Variants in PDE1C observed in about 807,000 individuals in gnomAD.
PDE1C encodes phosphodiesterase 1C.
In PDE1C, 62 loss-of-function variants were observed where a neutral mutation model predicts 93.1. That is an observed-to-expected ratio of 0.67 (90% confidence interval 0.54 to 0.82). The LOEUF (loss-of-function observed/expected upper bound fraction) is 0.82, where lower values mean the gene tolerates loss of function less well. Among genes scored for constraint, PDE1C ranks in the 40% least tolerant of loss-of-function variants. The probability of loss-of-function intolerance (pLI) is 0.00; values close to 1 mark genes in which losing one functional copy is unlikely to be tolerated. For synonymous variants in PDE1C, 325 were observed against 310.1 expected (o/e 1.05, Z -0.50); for missense variants, 742 against 884.6 (o/e 0.84, Z 2.04).
chr7:31,876,999 T>TC (rs1796678882), intron 5 of PDE1C, among the ~76,000 whole-genome samples: 1 of 152,068 alleles, frequency 6.6e-6, no homozygotes, highest in African/African-American at 2.4e-5. Flanking sequence ...CAAGAAGCAC[T>TC]CCCCACCCCC....
At chr7:31,840,712 T>C (rs1046274575) in intron 9 of PDE1C, among the ~76,000 whole-genome samples, 5 of 152,182 alleles carry the variant, frequency 3.3e-5, no homozygotes, top group Non-Finnish European at 7.3e-5. Flanking sequence ...TTGAATTAAT[T>C]TGGCATCATA....
At chr7:31,744,724 A>G in the PDE1C span, among the ~76,000 whole-genome samples, 1 of 152,298 alleles carries the variant, frequency 6.6e-6, no homozygotes, top group African/African-American at 2.4e-5. Flanking sequence ...AGAAAACACA[A>G]CTGTGCTATC....
intron 2 of PDE1C, among the ~76,000 whole-genome samples, chr7:31,924,922 G>A (rs1306131668): frequency 6.6e-6 from 1 of 152,192 alleles, no homozygotes. Flanking sequence ...AGGTATCAAT[G>A]TATAATTCTC....
chr7:32,004,826 T>C (rs1785972808), intron 2 of PDE1C, among the ~76,000 whole-genome samples: 2 of 152,230 alleles, frequency 1.3e-5, no homozygotes, highest in Admixed American at 6.5e-5. Context: ...AGTACACATA[T>C]TAGGTACATT....
At chr7:31,895,343 T>C (rs1359950379) in intron 2 of PDE1C, among the ~76,000 whole-genome samples, 1 of 152,004 alleles carries the variant, frequency 6.6e-6, no homozygotes, top group Admixed American at 6.5e-5. Context: ...TCCCAGACAT[T>C]AGCTAGAGAT....
intron 2 of PDE1C, among the ~76,000 whole-genome samples, chr7:32,191,029 G>T (rs985551122): frequency 6.6e-6 from 1 of 152,090 alleles, no homozygotes; most frequent in African/African-American, 2.4e-5. Context: ...TTTTTCTGGG[G>T]CTTAAATGGT....
intron 1 of PDE1C, among the ~76,000 whole-genome samples, chr7:32,265,250 C>G (rs1395396519): frequency 6.6e-6 from 1 of 152,172 alleles, no homozygotes; most frequent in Admixed American, 6.5e-5. Flanking sequence ...TACAATCTCT[C>G]TCAGTTGATG....
chr7:32,242,596 A>G (rs1378337099), intron 1 of PDE1C, among the ~76,000 whole-genome samples: 1 of 152,182 alleles, frequency 6.6e-6, no homozygotes, highest in African/African-American at 2.4e-5. Context: ...TTCGAGGAAC[A>G]ATTGGAGGTA....
rs555202911 is a variant in PDE1C, at chr7:31,829,392, G to A, written c.1204-1019C>T. Among the ~76,000 whole-genome samples, 42 of 152,206 alleles carry A rather than the reference G, an allele frequency of 2.8e-4. No homozygotes were observed. The South Asian group carries it at 2.9e-3, about 11-fold the overall frequency. ...GCTCTAATATTTAAGGCCAAGACTCGAGAAACCTTTAGTGAATTTGTTCAC... is the reference window on the plus strand; with the variant it reads ...GCTCTAATATTTAAGGCCAAGACTCAAGAAACCTTTAGTGAATTTGTTCAC... On this transcript the variant is annotated intron_variant, in intron 11 of 17. Coordinates refer to ENST00000396191, the MANE Select transcript of PDE1C (RefSeq NM_001191057.4).
At chr7:32,155,029 T>C (rs1223908133) in intron 3 of PDE1C, among the ~76,000 whole-genome samples, 1 of 151,994 alleles carries the variant, frequency 6.6e-6, no homozygotes, top group African/African-American at 2.4e-5. Flanking sequence ...CATGAGGAAA[T>C]GGCAGGAAAT....
At chr7:32,073,216 A>T (rs1444789798), upstream of PDE1C, among the ~76,000 whole-genome samples, 6 of 152,236 alleles carry the variant, frequency 3.9e-5, no homozygotes, top group Admixed American at 3.9e-4. Context: ...TCAGAGAGAA[A>T]AGAGCAAAAA....
At chr7:31,941,405 A>C (rs1805822959) in intron 2 of PDE1C, 1 of 160,416 alleles carries the variant, frequency 6.2e-6, no homozygotes, top group African/African-American at 2.4e-5. Context: ...TGATGACAGA[A>C]ATCTTTTTGC....
intron 8 of PDE1C, among the ~76,000 whole-genome samples, chr7:31,848,555 G>T (rs531844629): frequency 6.6e-6 from 1 of 152,064 alleles, no homozygotes; most frequent in Non-Finnish European, 1.5e-5. Context: ...TCTGATAGTG[G>T]CTTGATCTCA....
At chr7:31,767,276 C>T (rs1795205621) in intron 17 of PDE1C, among the ~76,000 whole-genome samples, 1 of 152,138 alleles carries the variant, frequency 6.6e-6, no homozygotes, top group South Asian at 2.1e-4. Context: ...TGTGTCTCAT[C>T]CCACATCTCA....
chr7:31,651,391 C>CCTTTG, the PDE1C span: 13 of 1,169,586 alleles, frequency 1.1e-5, no homozygotes, highest in Non-Finnish European at 1.5e-5. Flanking sequence ...GCCAGCTTTT[C>CCTTTG]CTTTGCTTTC....
At chr7:31,640,207 C>T in the PDE1C span, among the ~76,000 whole-genome samples, 1 of 152,162 alleles carries the variant, frequency 6.6e-6, no homozygotes. Context: ...CCTCAATGTC[C>T]TGTGAAATAG....
rs149390396 is a variant in PDE1C at position 32,372,695 on chromosome 7, C to A, written c.310+55127G>T. On this transcript the variant is annotated intron_variant, in intron 1 of 1. Transcript: ENST00000672256. ...TCATCAAGAAAATGAATGGGAGAAA[C>A]TATTTACAAATCACACATCTGATAA... Among the ~76,000 whole-genome samples, 1,172 of 152,232 alleles carry A rather than the reference C, an allele frequency of 7.7e-3. 15 individuals carry two copies. Among genetic ancestry groups the A allele is most frequent in the African/African-American group, 0.027 (1,127 of 41,540 alleles).
At chr7:31,954,270 C>T (rs1489192653) in intron 2 of PDE1C, among the ~76,000 whole-genome samples, 1 of 152,182 alleles carries the variant, frequency 6.6e-6, no homozygotes. Context: ...TCTCTTCCAT[C>T]CCATTCCCCG....
In PDE1C at chr7:32,032,274, G is replaced by C. The variant is rs576971275; in HGVS notation, c.128+19280C>G. On this transcript the variant is annotated intron_variant, in intron 2 of 17. Transcript: ENST00000396191. ...TTGGAGGAGGAGGTGGAGACCTCAT[G>C]TTCTAAAGAGGAAAACAAACCTACT... Among the ~76,000 whole-genome samples, 276 of 152,268 alleles carry C rather than the reference G, an allele frequency of 1.8e-3. 2 individuals carry two copies. The highest frequency in any genetic ancestry group is 3.4e-3 in the Non-Finnish European group (234 of 67,990).
Sources: allele counts gnomAD v4.1 joint callset (sites outside exome capture counted in the v4.1 genomes callset), GRCh38; gene constraint gnomAD v4.1.1; transcripts MANE v1.5; gene names NCBI Gene and HGNC (gene_info 2026-07-23, HGNC 2026-07-21).